CHKA: variants seen among roughly 807,000 people sequenced by gnomAD.
CHKA encodes choline kinase alpha.
A neutral mutation model predicts 60.1 loss-of-function variants in CHKA; 34 were observed. The ratio of observed to expected loss-of-function variants is 0.57; its 90% CI spans 0.43 to 0.75. CHKA has a LOEUF of 0.75. CHKA is among the 30% of genes least tolerant of loss of function. The pLI is 0.00. For synonymous variants in CHKA, 217 were observed against 223.1 expected (o/e 0.97, Z 0.24); for missense variants, 563 against 561.3 (o/e 1.00, Z -0.03).
chr11:68,066,296 GCCAC>G, intron 8 of CHKA, 129 bp downstream of exon 8: 1 of 723,960 alleles, frequency 1.4e-6, no homozygotes, highest in Non-Finnish European at 2.4e-6. Flanking sequence ...TGGACGAGAA[GCCAC>G]TGATTCCAGG....
chr11:68,119,409 C>T (rs559675474), intron 1 of CHKA, among the ~76,000 whole-genome samples: 1 of 152,334 alleles, frequency 6.6e-6, no homozygotes, highest in South Asian at 2.1e-4. Flanking sequence ...CAGCAAATTT[C>T]TAGATACTGC....
chr11:68,112,947 T>C (rs1443665533), intron 1 of CHKA, among the ~76,000 whole-genome samples: 1 of 151,484 alleles, frequency 6.6e-6, no homozygotes, highest in Non-Finnish European at 1.5e-5. Flanking sequence ...CCGGGCGTGG[T>C]GGCAGCCGCC....
intron 1 of CHKA, among the ~76,000 whole-genome samples, chr11:68,118,990 G>A (rs1176050564): frequency 6.6e-6 from 1 of 152,202 alleles, no homozygotes. Flanking sequence ...AGGCTTTGAA[G>A]GCAGTAAACA....
At chr11:68,056,326 G>A (rs1277911290) in intron 11 of CHKA, among the ~76,000 whole-genome samples, 6 of 152,056 alleles carry the variant, frequency 3.9e-5, no homozygotes, top group African/African-American at 9.7e-5. Context: ...ACCTTCTGCC[G>A]TCCTTTCACC....
intron 11 of CHKA, among the ~76,000 whole-genome samples, chr11:68,059,538 G>T (rs559726675): frequency 6.6e-6 from 1 of 152,240 alleles, no homozygotes; most frequent in South Asian, 2.1e-4. Flanking sequence ...CTACAAAGCC[G>T]TAAGTTTCTA....
At position 68,057,103 on chromosome 11, in the gene CHKA, C is replaced by T. The variant is rs372804162; in HGVS notation, c.1315-3056G>A. ...GAATTGGAGGGCACCCATCTGGTGT[C>T]CACTCCAGAACTGATTACTTGTTTG... On this transcript the variant is annotated intron_variant, in intron 11 of 11. Transcript: ENST00000265689. Among the ~76,000 whole-genome samples the T allele has an allele frequency of 2.8e-4, 43 of 152,268 alleles. No homozygotes were observed. The East Asian group carries it at 6.0e-3, about 21-fold the overall frequency.
chr11:68,117,133 T>G (rs982363993), intron 1 of CHKA, among the ~76,000 whole-genome samples: 2 of 152,008 alleles, frequency 1.3e-5, no homozygotes, highest in Non-Finnish European at 2.9e-5. Context: ...ATGTACAAAG[T>G]GCTAAGGATG....
At chr11:68,089,716 A>C (rs1857291472) in intron 2 of CHKA, 1 of 152,222 alleles carries the variant, frequency 6.6e-6, no homozygotes, top group Non-Finnish European at 1.5e-5. Flanking sequence ...CTACTTAACA[A>C]GCATTACAAC....
intron 11 of CHKA, among the ~76,000 whole-genome samples, chr11:68,057,388 C>A (rs1031082106): frequency 6.6e-6 from 1 of 152,098 alleles, no homozygotes; most frequent in African/African-American, 2.4e-5. Context: ...GGCATGATCT[C>A]GGCTCAATGC....
intron 1 of CHKA, 139 bp from the exon 2 acceptor site, chr11:68,097,269 CAT>C (rs368989420): frequency 3.8e-4 from 209 of 548,592 alleles, no homozygotes; most frequent in African/African-American, 3.8e-3. Context: ...AATTTAACTC[CAT>C]GAGTCACATT....
intron 10 of CHKA, among the ~76,000 whole-genome samples, chr11:68,062,310 T>A (rs1856279290): frequency 6.6e-6 from 1 of 152,218 alleles, no homozygotes; most frequent in Admixed American, 6.5e-5. Flanking sequence ...TTGGCCATAA[T>A]ATATTCACAA....
chr11:68,091,285 T>C lies in CHKA; in HGVS notation c.462+5734A>G, dbSNP rs549005705. Among the ~76,000 whole-genome samples, 11 of 152,340 alleles carry C rather than the reference T, an allele frequency of 7.2e-5. No individual in the cohort carries two copies. The South Asian group carries it at 2.1e-3, about 29-fold the overall frequency. Reference sequence around the variant, plus strand: ...GTTTGGTTTTCATAATCTATGTAGCTAATGAAAATAATCTCATTTCCATTA... The same window carrying C: ...GTTTGGTTTTCATAATCTATGTAGCCAATGAAAATAATCTCATTTCCATTA... On this transcript the variant is annotated intron_variant, in intron 2 of 11. Coordinates refer to ENST00000265689, the MANE Select transcript of CHKA (RefSeq NM_001277.3).
chr11:68,064,418 A>AAG, intron 10 of CHKA, 107 bp downstream of exon 10: 4 of 567,924 alleles, frequency 7.0e-6, no homozygotes, highest in East Asian at 3.5e-5. Flanking sequence ...AAAAAAAAAA[A>AAG]AAGAAGAAGA....
chr11:68,113,988 T>C (rs555173600), intron 1 of CHKA, among the ~76,000 whole-genome samples: 3 of 151,380 alleles, frequency 2.0e-5, no homozygotes, highest in African/African-American at 7.3e-5. Flanking sequence ...TGAAACTCTG[T>C]CTCAAAAAAA....
rs760035854 is a variant in CHKA at position 68,120,962 on chromosome 11, G to A, written c.216C>T (p.Pro72=). ...CGTCTGCGGGCGGCTGCGGCGGCGG[G>A]GGCTGGGGCAGCGGCAGCGGCAGCG... ...PLPLPLPLPQ[P]PPPQPPADEQ... Residue 72 remains proline, a synonymous_variant, in exon 1 of 12, where the codon CCC becomes CCT. Coordinates refer to ENST00000265689, the MANE Select transcript of CHKA (RefSeq NM_001277.3). 40 of 1,145,152 alleles carry A rather than the reference G, an allele frequency of 3.5e-5. No individual in the cohort carries two copies. The highest frequency in any genetic ancestry group is 1.7e-4 in the Admixed American group (4 of 23,488). 70.9% of individuals were successfully genotyped at this position (1,145,152 alleles called of 1,614,324 possible).
intron 1 of CHKA, among the ~76,000 whole-genome samples, chr11:68,111,413 A>G (rs1247776796): frequency 6.6e-6 from 1 of 151,378 alleles, no homozygotes; most frequent in Admixed American, 6.6e-5. Context: ...ACTCCATCTC[A>G]AGAAAAAAAA....
chr11:68,055,849 A>G (rs1171391861), intron 11 of CHKA, among the ~76,000 whole-genome samples: 1 of 151,890 alleles, frequency 6.6e-6, no homozygotes, highest in Non-Finnish European at 1.5e-5. Context: ...GTTCGAGACC[A>G]GCCTGACCAA....
chr11:68,115,418 T>C (rs887274406), intron 1 of CHKA, among the ~76,000 whole-genome samples: 1 of 152,162 alleles, frequency 6.6e-6, no homozygotes, highest in Non-Finnish European at 1.5e-5. Flanking sequence ...TCAATGTAGG[T>C]TCCTCAGTTG....
intron 11 of CHKA, among the ~76,000 whole-genome samples, chr11:68,057,531 G>A (rs1385613075): frequency 6.6e-6 from 1 of 152,102 alleles, no homozygotes; most frequent in East Asian, 1.9e-4. Context: ...GTGTTAGCCA[G>A]GATGGTCTCA....
Sources: gnomAD v4.1 joint callset for allele counts (sites outside exome capture counted in the v4.1 genomes callset) on GRCh38, gnomAD v4.1.1 for gene constraint, MANE v1.5 for transcripts, NCBI Gene and HGNC (gene_info 2026-07-23, HGNC 2026-07-21) for gene names.